The following ZBBX variants were observed in gnomAD, a reference collection of about 807,000 sequenced individuals.
ZBBX encodes zinc finger B-box domain containing.
A neutral mutation model predicts 108.5 loss-of-function variants in ZBBX; 101 were observed. The observed-to-expected ratio is 0.93, with a 90% CI of 0.79 to 1.10. The LOEUF is 1.10. Ranked by LOEUF, ZBBX falls within the 50% of genes least tolerant of loss-of-function variation. ZBBX has a pLI of 0.00. For synonymous variants in ZBBX, 356 were observed against 323.4 expected (o/e 1.10, Z -1.08); for missense variants, 1,009 against 941.4 (o/e 1.07, Z -0.94).
the ZBBX span, among the ~76,000 whole-genome samples, chr3:167,183,214 C>T: frequency 1.7e-3 from 256 of 152,328 alleles, no homozygotes; most frequent in Middle Eastern, 6.8e-3. Flanking sequence ...CCTTCCTCCT[C>T]ATCATCAGTG....
intron 18 of ZBBX, among the ~76,000 whole-genome samples, chr3:167,294,381 G>A (rs1731264404): frequency 6.6e-6 from 1 of 152,076 alleles, no homozygotes. Context: ...AGAGCCCTCA[G>A]AAATTATGCC....
At chr3:167,336,184 A>T (rs1322518200) in intron 9 of ZBBX, among the ~76,000 whole-genome samples, 1 of 152,056 alleles carries the variant, frequency 6.6e-6, no homozygotes, top group Non-Finnish European at 1.5e-5. Context: ...CTGTCCTAAA[A>T]TGAATCCTGC....
At chr3:167,353,432 G>A (rs975960565) in intron 8 of ZBBX, among the ~76,000 whole-genome samples, 1 of 152,006 alleles carries the variant, frequency 6.6e-6, no homozygotes, top group African/African-American at 2.4e-5. Flanking sequence ...AAGTGGGAGA[G>A]CTAAACAATG....
chr3:167,228,552 C>A, the ZBBX span, among the ~76,000 whole-genome samples: 1 of 151,770 alleles, frequency 6.6e-6, no homozygotes, highest in African/African-American at 2.4e-5. Context: ...GTGACCAAAA[C>A]TTGAATAGTT....
At chr3:167,334,581 G>GA (rs1739241348) in intron 9 of ZBBX, among the ~76,000 whole-genome samples, 1 of 151,870 alleles carries the variant, frequency 6.6e-6, no homozygotes, top group African/African-American at 2.4e-5. Context: ...CTCGAAAAAA[G>GA]AAAAAAGAAA....
chr3:167,207,483 G>A, the ZBBX span, among the ~76,000 whole-genome samples: 1 of 152,140 alleles, frequency 6.6e-6, no homozygotes, highest in Non-Finnish European at 1.5e-5. Flanking sequence ...CATAGATCTT[G>A]TGGCTATATA....
intron 6 of ZBBX, among the ~76,000 whole-genome samples, chr3:167,363,404 C>T (rs1022902200): frequency 6.6e-6 from 1 of 152,072 alleles, no homozygotes; most frequent in African/African-American, 2.4e-5. Flanking sequence ...AAGTTGAGGT[C>T]TTCCCATTAA....
At chr3:167,293,726 T>C (rs1471012419) in intron 18 of ZBBX, among the ~76,000 whole-genome samples, 1 of 151,970 alleles carries the variant, frequency 6.6e-6, no homozygotes, top group African/African-American at 2.4e-5. Flanking sequence ...AAATTAAGAG[T>C]ATTCAATTAG....
intron 20 of ZBBX, among the ~76,000 whole-genome samples, chr3:167,267,326 A>G (rs775626793): frequency 1.4e-4 from 21 of 152,194 alleles, no homozygotes; most frequent in Non-Finnish European, 2.9e-4. Flanking sequence ...AGGATAGGCA[A>G]GAGATTCCTC....
intron 20 of ZBBX, 102 bp from the exon 21 acceptor site, chr3:167,242,745 A>G: frequency 9.6e-7 from 1 of 1,039,336 alleles, no homozygotes; most frequent in Non-Finnish European, 1.3e-6. Flanking sequence ...CAGGCAATAC[A>G]AAGAAGGTCA....
intron 16 of ZBBX, among the ~76,000 whole-genome samples, chr3:167,311,717 C>CAA (rs142174221): frequency 6.1e-5 from 9 of 146,746 alleles, no homozygotes; most frequent in South Asian, 4.3e-4. Context: ...AATTGCAAAT[C>CAA]AAAAAAAAAA....
At chr3:167,372,013 C>T (rs758844237) in intron 4 of ZBBX, among the ~76,000 whole-genome samples, 6 of 152,056 alleles carry the variant, frequency 3.9e-5, no homozygotes, top group Non-Finnish European at 7.4e-5. Context: ...CAGGAGTAAA[C>T]CAACCTGGCC....
the ZBBX span, among the ~76,000 whole-genome samples, chr3:167,201,129 T>G: frequency 1.3e-5 from 2 of 152,094 alleles, no homozygotes; most frequent in Non-Finnish European, 2.9e-5. Flanking sequence ...AGGCCCAAGA[T>G]AGTTAATGAT....
chr3:167,351,201 T>C (rs1309602307), intron 8 of ZBBX, among the ~76,000 whole-genome samples: 1 of 152,140 alleles, frequency 6.6e-6, no homozygotes, highest in Non-Finnish European at 1.5e-5. Flanking sequence ...CAAATTATGA[T>C]GTTTAAAAAT....
At chr3:167,393,803 TA>T (rs892444287) in intron 1 of ZBBX, among the ~76,000 whole-genome samples, 2 of 151,888 alleles carry the variant, frequency 1.3e-5, no homozygotes, top group Non-Finnish European at 2.9e-5. Context: ...CACAACTAAT[TA>T]AAAACATGAT....
intron 20 of ZBBX, among the ~76,000 whole-genome samples, chr3:167,258,706 C>T (rs1056349566): frequency 1.3e-5 from 2 of 152,114 alleles, no homozygotes; most frequent in African/African-American, 4.8e-5. Context: ...TTGTTGAATG[C>T]TTTTTCTGCA....
At chr3:167,269,419 G>A (rs1214488747) in intron 20 of ZBBX, among the ~76,000 whole-genome samples, 1 of 152,180 alleles carries the variant, frequency 6.6e-6, no homozygotes, top group East Asian at 1.9e-4. Flanking sequence ...GAGAATTAAT[G>A]TTGAAGTTAG....
intron 19 of ZBBX, among the ~76,000 whole-genome samples, chr3:167,286,962 C>T (rs1729815583): frequency 6.6e-6 from 1 of 152,054 alleles, no homozygotes; most frequent in African/African-American, 2.4e-5. Context: ...TTATTTTAGA[C>T]CATTGTCTCT....
chr3:167,294,910 C>T (rs1410881839), intron 18 of ZBBX, among the ~76,000 whole-genome samples: 1 of 152,150 alleles, frequency 6.6e-6, no homozygotes, highest in Non-Finnish European at 1.5e-5. Context: ...CAAAAGAAGA[C>T]ATTTATGCAG....
Sources: gnomAD v4.1 joint callset for allele counts (sites outside exome capture counted in the v4.1 genomes callset) on GRCh38, gnomAD v4.1.1 for gene constraint, MANE v1.5 for transcripts, NCBI Gene and HGNC (gene_info 2026-07-23, HGNC 2026-07-21) for gene names.